ANKFN1: variants seen among roughly 807,000 people sequenced by gnomAD.
ANKFN1 encodes ankyrin repeat and fibronectin type-III domain-containing protein 1.
ANKFN1 carries 74 observed loss-of-function variants against 108.7 expected under a neutral mutation model. The observed-to-expected ratio is 0.68, with a 90% CI of 0.56 to 0.83. ANKFN1 has a LOEUF of 0.83. ANKFN1 is among the 40% of genes least tolerant of loss of function. ANKFN1 has a pLI of 0.00. For missense variants in ANKFN1, 1,505 were observed against 1,382.3 expected (o/e 1.09, Z -1.41); for synonymous variants, 547 against 516.2 (o/e 1.06, Z -0.81).
chr17:56,293,710 C>T (rs2044430709), intron 3 of ANKFN1, among the ~76,000 whole-genome samples: 1 of 152,208 alleles, frequency 6.6e-6, no homozygotes, highest in Non-Finnish European at 1.5e-5. Context: ...GAAAGACTTT[C>T]TACTCTGAGA....
intron 18 of ANKFN1, among the ~76,000 whole-genome samples, chr17:56,491,590 G>A (rs2051041950): frequency 6.6e-6 from 1 of 152,156 alleles, no homozygotes; most frequent in African/African-American, 2.4e-5. Context: ...GAAATGGTCT[G>A]TCCAAGCAAC....
intron 8 of ANKFN1, among the ~76,000 whole-genome samples, chr17:56,429,629 TGAG>T: frequency 6.6e-6 from 1 of 152,316 alleles, no homozygotes; most frequent in East Asian, 1.9e-4. Context: ...TAGACTATGT[TGAG>T]GAGTTTAGAT....
chr17:56,099,055 C>A (rs1456163327), intron 4 of ANKFN1, among the ~76,000 whole-genome samples: 1 of 152,138 alleles, frequency 6.6e-6, no homozygotes, highest in African/African-American at 2.4e-5. Flanking sequence ...AGAACAGGAG[C>A]TGTAATGGAG....
At position 56,132,095 on chromosome 17, in the gene ANKFN1, G is replaced by A. The variant is rs529077231; in HGVS notation, c.288+85770G>A. Among the ~76,000 whole-genome samples the A allele has an allele frequency of 6.6e-5, 10 of 152,294 alleles. No individual in the cohort carries two copies. The East Asian group carries it at 1.2e-3, about 18-fold the overall frequency. ...GCAAGTGACTCATGATAGGTAGTTCGTGATTTCTTTTTAATTTGAATCTTC... is the reference window on the plus strand; with the variant it reads ...GCAAGTGACTCATGATAGGTAGTTCATGATTTCTTTTTAATTTGAATCTTC... On this transcript the variant is annotated intron_variant, in intron 4 of 12. Transcript: ENST00000635860.
intron 6 of ANKFN1, among the ~76,000 whole-genome samples, chr17:56,364,216 A>G (rs775268954): frequency 4.6e-5 from 7 of 152,168 alleles, no homozygotes; most frequent in Admixed American, 1.3e-4. Flanking sequence ...ATTATTATCA[A>G]TTTATAATAA....
At chr17:56,460,306 A>G (rs1370961935) in intron 14 of ANKFN1, among the ~76,000 whole-genome samples, 1 of 152,112 alleles carries the variant, frequency 6.6e-6, no homozygotes, top group East Asian at 1.9e-4. Flanking sequence ...TACAAAAATT[A>G]GCTGGATGTG....
intron 15 of ANKFN1, among the ~76,000 whole-genome samples, chr17:56,467,783 GAA>G (rs1225888511): frequency 0.071 from 1,636 of 22,912 alleles, 65 homozygotes; most frequent in African/African-American, 0.13. Flanking sequence ...AAGAAAGAAA[GAA>G]AGAAAGAAGA....
intron 4 of ANKFN1, among the ~76,000 whole-genome samples, chr17:56,080,072 A>G (rs958560369): frequency 2.6e-5 from 4 of 152,230 alleles, no homozygotes; most frequent in African/African-American, 9.6e-5. Flanking sequence ...TGCAAATAAA[A>G]CAAGAAAATA....
intron 3 of ANKFN1, among the ~76,000 whole-genome samples, chr17:56,309,536 T>C (rs934890292): frequency 6.6e-6 from 1 of 152,176 alleles, no homozygotes; most frequent in Non-Finnish European, 1.5e-5. Flanking sequence ...TTATCAATGT[T>C]ATAGATTTCT....
intron 10 of ANKFN1, among the ~76,000 whole-genome samples, chr17:56,447,539 A>T (rs2049338669): frequency 6.6e-6 from 1 of 152,170 alleles, no homozygotes; most frequent in Admixed American, 6.5e-5. Context: ...ATACAACTGG[A>T]TTGGTTATAT....
chr17:56,211,586 C>A (rs1325766900), intron 1 of ANKFN1, among the ~76,000 whole-genome samples: 1 of 152,096 alleles, frequency 6.6e-6, no homozygotes, highest in Non-Finnish European at 1.5e-5. Context: ...TTTGGCTATG[C>A]AGGCTTTTTT....
chr17:56,233,087 CA>C (rs1184525716), intron 3 of ANKFN1, among the ~76,000 whole-genome samples: 1 of 151,710 alleles, frequency 6.6e-6, no homozygotes, highest in African/African-American at 2.4e-5. Flanking sequence ...AATGCAAGCT[CA>C]AATTACATGT....
chr17:56,079,536 A>G (rs1447189212), intron 4 of ANKFN1, among the ~76,000 whole-genome samples: 2 of 152,248 alleles, frequency 1.3e-5, no homozygotes, highest in Admixed American at 6.5e-5. Context: ...AAGAAGAAAT[A>G]GAGTCAGAAA....
At chr17:56,051,558 A>G (rs371263614) in intron 4 of ANKFN1, among the ~76,000 whole-genome samples, 6 of 140,286 alleles carry the variant, frequency 4.3e-5, no homozygotes, top group African/African-American at 8.2e-5. Flanking sequence ...AGTGTTGGAA[A>G]TTCTGGCCAG....
intron 2 of ANKFN1, among the ~76,000 whole-genome samples, chr17:56,218,192 T>C (rs1915567419): frequency 6.6e-6 from 1 of 151,156 alleles, no homozygotes; most frequent in Non-Finnish European, 1.5e-5. Context: ...CTTCTCTCTC[T>C]CTCTCTCTCT....
chr17:56,153,402 A>G (rs1254017160), upstream of ANKFN1: 10 of 1,412,916 alleles, frequency 7.1e-6, no homozygotes, highest in African/African-American at 1.4e-5. Flanking sequence ...GTCTCCCTGG[A>G]TAAAGCCAGG....
intron 1 of ANKFN1, among the ~76,000 whole-genome samples, chr17:56,200,449 G>A (rs189400044): frequency 1.3e-5 from 2 of 152,318 alleles, no homozygotes; most frequent in African/African-American, 4.8e-5. Flanking sequence ...TGGAATAGGA[G>A]TGGTTATCAA....
chr17:56,085,087 G>T (rs1312772405), intron 4 of ANKFN1, among the ~76,000 whole-genome samples: 4 of 150,186 alleles, frequency 2.7e-5, no homozygotes, highest in Admixed American at 2.0e-4. Flanking sequence ...ACAAATATTT[G>T]TTGAGCTCTT....
chr17:56,343,314 T>C (rs1167424430), intron 4 of ANKFN1, among the ~76,000 whole-genome samples: 1 of 152,026 alleles, frequency 6.6e-6, no homozygotes, highest in African/African-American at 2.4e-5. Flanking sequence ...AAGTTTTTGT[T>C]TATCTGGCAG....
Sources: allele counts gnomAD v4.1 joint callset (sites outside exome capture counted in the v4.1 genomes callset), GRCh38; gene constraint gnomAD v4.1.1; transcripts MANE v1.5; gene names NCBI Gene and HGNC (gene_info 2026-07-23, HGNC 2026-07-21).